The following CREB5 variants were observed in gnomAD, a reference collection of about 807,000 sequenced individuals.
The protein encoded by CREB5 is cAMP responsive element binding protein 5, also known as cyclic AMP-responsive element-binding protein 5.
In CREB5, 19 loss-of-function variants were observed where a neutral mutation model predicts 57.1. The ratio of observed to expected loss-of-function variants is 0.33; its 90% CI spans 0.23 to 0.49. The LOEUF (loss-of-function observed/expected upper bound fraction) is 0.49. CREB5 is among the 20% of genes least tolerant of loss of function. The pLI is 0.99. For missense variants in CREB5, 579 were observed against 671.6 expected, an observed-to-expected ratio of 0.86 and a Z score of 1.52; for synonymous variants, 238 against 238.3, an observed-to-expected ratio of 1.00 and a Z score of 0.01.
intron 1 of CREB5, among the ~76,000 whole-genome samples, chr7:28,466,826 T>C (rs1790596408): frequency 6.6e-6 from 1 of 152,208 alleles, no homozygotes; most frequent in South Asian, 2.1e-4. Flanking sequence ...AATGTAGTGC[T>C]CATATGGTTC....
At chr7:28,719,354 TTGAG>T (rs1475195107) in intron 6 of CREB5, among the ~76,000 whole-genome samples, 3 of 152,266 alleles carry the variant, frequency 2.0e-5, no homozygotes, top group Non-Finnish European at 2.9e-5. Context: ...GCAGTATTTA[TTGAG>T]TGTTTACTGT....
chr7:28,484,884 C>G (rs779011863), intron 1 of CREB5, among the ~76,000 whole-genome samples: 2 of 152,152 alleles, frequency 1.3e-5, no homozygotes, highest in Non-Finnish European at 2.9e-5. Context: ...CATGAAGACT[C>G]AATTAAGACA....
intron 1 of CREB5, among the ~76,000 whole-genome samples, chr7:28,378,494 A>G (rs186727061): frequency 1.5e-4 from 23 of 152,226 alleles, no homozygotes; most frequent in Middle Eastern, 3.4e-3. Context: ...TAATTTTTTA[A>G]ATGGATGATT....
chr7:28,784,918 T>C (rs755393246), intron 7 of CREB5, among the ~76,000 whole-genome samples: 16 of 152,188 alleles, frequency 1.1e-4, no homozygotes, highest in Non-Finnish European at 1.6e-4. Context: ...TTAGCAACCT[T>C]CTTCAATTTC....
At chr7:28,467,334 C>T (rs920388924) in intron 1 of CREB5, among the ~76,000 whole-genome samples, 16 of 152,304 alleles carry the variant, frequency 1.1e-4, no homozygotes, top group African/African-American at 3.6e-4. Context: ...GAATTACCCC[C>T]GCTTCCTGGA....
intron 1 of CREB5, among the ~76,000 whole-genome samples, chr7:28,472,152 C>CAAA (rs751915630): frequency 1.6e-5 from 1 of 63,110 alleles, no homozygotes; most frequent in Non-Finnish European, 3.5e-5. Context: ...ATAGTCAAAG[C>CAAA]AAAAAAAAAA....
intron 7 of CREB5, among the ~76,000 whole-genome samples, chr7:28,751,151 C>A (rs1310053928): frequency 1.4e-5 from 2 of 144,996 alleles, no homozygotes; most frequent in Non-Finnish European, 3.0e-5. Context: ...TGCTCACAAG[C>A]CTGGGAAGCG....
At chr7:28,363,403 T>G (rs1786528268) in intron 1 of CREB5, among the ~76,000 whole-genome samples, 1 of 152,158 alleles carries the variant, frequency 6.6e-6, no homozygotes, top group African/African-American at 2.4e-5. Context: ...GCTTCAGGAC[T>G]GAGCCTCATG....
intron 1 of CREB5, among the ~76,000 whole-genome samples, chr7:28,444,600 T>A (rs1024451808): frequency 1.6e-4 from 24 of 152,120 alleles, no homozygotes; most frequent in Non-Finnish European, 3.2e-4. Flanking sequence ...AGCTGTGTTT[T>A]AAAAAATAGG....
At chr7:28,396,495 G>A (rs1479442761) in intron 1 of CREB5, among the ~76,000 whole-genome samples, 1 of 151,918 alleles carries the variant, frequency 6.6e-6, no homozygotes, top group African/African-American at 2.4e-5. Flanking sequence ...TTTAAAAATT[G>A]CAAATTAAAC....
intron 10 of CREB5, 197 bp from the exon 11 acceptor site, chr7:28,818,913 GTAGATA>G: frequency 1.6e-6 from 1 of 610,630 alleles, no homozygotes. Context: ...GGCTTTGCTC[GTAGATA>G]TAAACTGGAA....
intron 7 of CREB5, among the ~76,000 whole-genome samples, chr7:28,774,633 T>C (rs1806518395): frequency 6.6e-6 from 1 of 152,224 alleles, no homozygotes; most frequent in South Asian, 2.1e-4. Flanking sequence ...TAGTTTTGAT[T>C]TAGGTCTCTG....
chr7:28,637,660 C>T (rs1443015248), intron 5 of CREB5, among the ~76,000 whole-genome samples: 1 of 152,124 alleles, frequency 6.6e-6, no homozygotes, highest in Admixed American at 6.5e-5. Context: ...ACTATTTGCA[C>T]AGAAGAAACA....
chr7:28,341,553 C>T (rs896291204), intron 1 of CREB5, among the ~76,000 whole-genome samples: 1 of 152,218 alleles, frequency 6.6e-6, no homozygotes, highest in African/African-American at 2.4e-5. Flanking sequence ...CATCCATATA[C>T]TACCTCCAAC....
At position 28,531,344 on chromosome 7, in the gene CREB5, C is replaced by G. The variant is rs1562778388; in HGVS notation, c.291+23607C>G. Among the ~76,000 whole-genome samples the G allele has an allele frequency of 3.3e-5, 5 of 152,120 alleles. No individual in the cohort carries two copies. In the South Asian group the frequency reaches 1.0e-3, roughly 32 times the overall value. On this transcript the variant is annotated intron_variant, in intron 4 of 10. Coordinates refer to ENST00000357727, the MANE Select transcript of CREB5 (RefSeq NM_182898.4). The stretch of plus-strand genomic sequence containing the variant: ...TGAGAGCTTTGAAGGAGGCACTGCT[C>G]CAAGCCTCCCTCCTGGCTTCGAGTG...
intron 5 of CREB5, among the ~76,000 whole-genome samples, chr7:28,685,234 G>A (rs560733495): frequency 3.4e-4 from 52 of 152,268 alleles, no homozygotes; most frequent in Non-Finnish European, 5.3e-4. Context: ...TTCACCTGAG[G>A]GTGGAGTGCT....
At position 28,507,753 on chromosome 7, in the gene CREB5, T is replaced by C. The variant is rs1792542605; in HGVS notation, c.291+16T>C. The C allele has an allele frequency of 6.3e-7, 1 of 1,589,992 alleles. No individual in the cohort carries two copies. The highest frequency in any genetic ancestry group is 8.6e-7 in the Non-Finnish European group (1 of 1,161,976). On this transcript the variant is annotated intron_variant, in intron 4 of 10. Coordinates refer to ENST00000357727, the MANE Select transcript of CREB5 (RefSeq NM_182898.4). The stretch of plus-strand genomic sequence containing the variant: ...CAGCAAGCGGGTAGGTTTGCTTGGA[T>C]GGCCGCCTTGAGAGGTGTCCTGCTA...
intron 4 of CREB5, among the ~76,000 whole-genome samples, chr7:28,528,497 G>T (rs969032384): frequency 8.5e-5 from 13 of 152,094 alleles, no homozygotes; most frequent in African/African-American, 3.1e-4. Context: ...CTGAGGTTGG[G>T]AGTTGGAGAC....
At chr7:28,325,053 T>C (rs1042062018) in intron 1 of CREB5, among the ~76,000 whole-genome samples, 1 of 152,228 alleles carries the variant, frequency 6.6e-6, no homozygotes, top group Non-Finnish European at 1.5e-5. Context: ...CTACATACTG[T>C]CATCTTTTCT....
Sources: gnomAD v4.1 joint callset for allele counts (sites outside exome capture counted in the v4.1 genomes callset) on GRCh38, gnomAD v4.1.1 for gene constraint, MANE v1.5 for transcripts, NCBI Gene and HGNC (gene_info 2026-07-23, HGNC 2026-07-21) for gene names.